The following SCN11A variants were observed in gnomAD, a reference collection of about 807,000 sequenced individuals.
SCN11A encodes sodium voltage-gated channel alpha subunit 11, also known as sodium channel protein type 11 subunit alpha.
SCN11A carries 122 observed loss-of-function variants against 162.2 expected under a neutral mutation model. That is an observed-to-expected ratio of 0.75 (90% CI 0.65 to 0.87). SCN11A has a LOEUF of 0.87. SCN11A is among the 40% of genes least tolerant of loss of function. The pLI, the probability that SCN11A is intolerant of heterozygous loss-of-function variation, is 0.00. For missense variants in SCN11A, 2,015 were observed against 2,181.6 expected (o/e 0.92, Z 1.52); for synonymous variants, 758 against 751.5 (o/e 1.01, Z -0.14).
intron 2 of SCN11A, among the ~76,000 whole-genome samples, chr3:38,980,499 C>A (rs535480062): frequency 6.6e-6 from 1 of 152,094 alleles, no homozygotes; most frequent in Non-Finnish European, 1.5e-5. Flanking sequence ...GCTCTTACTG[C>A]GGAGCCCAGG....
chr3:39,031,019 TG>T (rs1274406099), intron 2 of SCN11A, among the ~76,000 whole-genome samples: 1 of 152,162 alleles, frequency 6.6e-6, no homozygotes, highest in East Asian at 1.9e-4. Context: ...GAAAGCTAGA[TG>T]GAGGTCAAAG....
chr3:38,937,066 C>T lies in SCN11A; in HGVS notation c.488+8345G>A, dbSNP rs559318157. Among the ~76,000 whole-genome samples the T allele has an allele frequency of 5.3e-3, 802 of 151,980 alleles. 6 individuals are homozygous for T. The highest frequency in any genetic ancestry group is 0.018 in the African/African-American group (753 of 41,368). ...AGAACAGAGCCCTCAGAAACAACGC[C>T]GCATATCTACAACTATCTGATCTTT... On this transcript the variant is annotated intron_variant, in intron 7 of 29. Coordinates refer to ENST00000302328, the MANE Select transcript of SCN11A (RefSeq NM_001349253.2).
intron 3 of SCN11A, among the ~76,000 whole-genome samples, chr3:38,958,473 G>T (rs2066708694): frequency 6.6e-6 from 1 of 152,186 alleles, no homozygotes; most frequent in Admixed American, 6.5e-5. Flanking sequence ...TTTGTAAAAA[G>T]TCCCTTTAAT....
In SCN11A at chr3:38,920,243, CCT is replaced by C. The variant is rs139754089; in HGVS notation, c.893-244_893-243del. On this transcript the variant is annotated intron_variant, in intron 10 of 29. Transcript: ENST00000302328. Reference sequence around the variant, plus strand: ...CAGTGACATCACCACCACCACTTTGCCTCTCTTAAATAATACTGAACCGAAGA... The same window carrying C: ...CAGTGACATCACCACCACCACTTTGCCTCTTAAATAATACTGAACCGAAGA... Among the ~76,000 whole-genome samples the C allele has an allele frequency of 0.055, 8,338 of 152,104 alleles. 757 individuals carry two copies. The highest frequency in any genetic ancestry group is 0.19 in the African/African-American group (7,716 of 41,412).
chr3:38,952,094 C>A (rs943358771), intron 4 of SCN11A, among the ~76,000 whole-genome samples: 5 of 152,114 alleles, frequency 3.3e-5, no homozygotes, highest in African/African-American at 9.7e-5. Flanking sequence ...TTGAAGCCAG[C>A]AAGACCACGA....
At chr3:39,003,075 T>C (rs769056676) in intron 2 of SCN11A, among the ~76,000 whole-genome samples, 5 of 152,206 alleles carry the variant, frequency 3.3e-5, no homozygotes, top group Admixed American at 6.5e-5. Flanking sequence ...AGGTTTGTTA[T>C]ATAGATAAAC....
At chr3:38,961,271 T>C (rs1209407006) in intron 2 of SCN11A, among the ~76,000 whole-genome samples, 2 of 152,236 alleles carry the variant, frequency 1.3e-5, no homozygotes, top group African/African-American at 4.8e-5. Flanking sequence ...GTTTTCTCCA[T>C]GTTAAATATG....
At chr3:38,907,877 A>C (rs1321307082) in intron 14 of SCN11A, 72 bp downstream of exon 14, 2 of 1,299,498 alleles carry the variant, frequency 1.5e-6, no homozygotes, top group Non-Finnish European at 2.1e-6. Flanking sequence ...GAATTATTTC[A>C]ATTTGATTGG....
chr3:39,024,650 G>A (rs1459802848), intron 2 of SCN11A, among the ~76,000 whole-genome samples: 2 of 152,070 alleles, frequency 1.3e-5, no homozygotes, highest in African/African-American at 2.4e-5. Context: ...GTGTAAAACT[G>A]GCCATAAAAA....
chr3:38,867,600 G>A lies in SCN11A; in HGVS notation c.3814-142C>T, dbSNP rs562927079. The A allele has an allele frequency of 1.4e-5, 9 of 627,846 alleles. No individual in the cohort carries two copies. The African/African-American group carries it at 1.5e-4, about 10-fold the overall frequency. 38.9% of individuals were successfully genotyped at this position (627,846 alleles called of 1,614,324 possible). A position where few individuals can be genotyped will look rare whatever the true frequency, so the allele number is the denominator to read the frequency against. ...CCTCTTCCTAACAGCCATAGCCCCT[G>A]TTGGGAGCCTGTCTTTCAGTTTTTG... On this transcript the variant is annotated intron_variant, in intron 26 of 29. Transcript: ENST00000302328.
chr3:39,043,661 G>C (rs1472153280), intron 1 of SCN11A, among the ~76,000 whole-genome samples: 2 of 150,978 alleles, frequency 1.3e-5, no homozygotes, highest in African/African-American at 4.8e-5. Context: ...TAGAAGAATG[G>C]TTACCAGAAA....
chr3:38,853,549 A>T (rs546776361), intron 28 of SCN11A, among the ~76,000 whole-genome samples: 7 of 152,278 alleles, frequency 4.6e-5, no homozygotes, highest in African/African-American at 1.7e-4. Context: ...GTGCATCAAA[A>T]ATACTTCATT....
intron 22 of SCN11A, among the ~76,000 whole-genome samples, chr3:38,882,707 C>T (rs1357541475): frequency 6.6e-6 from 1 of 152,114 alleles, no homozygotes; most frequent in Non-Finnish European, 1.5e-5. Flanking sequence ...CTCATTGGGA[C>T]TCATACCACA....
At chr3:39,034,783 T>TA (rs2031861420) in intron 1 of SCN11A, among the ~76,000 whole-genome samples, 2 of 151,984 alleles carry the variant, frequency 1.3e-5, no homozygotes, top group South Asian at 2.1e-4. Flanking sequence ...AAAATCAACA[T>TA]AAAAAATCAG....
At chr3:38,999,275 C>A (rs550900723) in intron 2 of SCN11A, among the ~76,000 whole-genome samples, 10 of 152,076 alleles carry the variant, frequency 6.6e-5, no homozygotes, top group Admixed American at 6.5e-5. Flanking sequence ...CAACTATAGA[C>A]GAATTCTTAG....
chr3:38,939,249 T>C (rs2066403865), intron 7 of SCN11A, among the ~76,000 whole-genome samples: 1 of 151,890 alleles, frequency 6.6e-6, no homozygotes, highest in Non-Finnish European at 1.5e-5. Context: ...AAACATAGAA[T>C]TTAAGACAAA....
At chr3:39,048,263 G>A (rs1322895011) in intron 1 of SCN11A, among the ~76,000 whole-genome samples, 2 of 152,154 alleles carry the variant, frequency 1.3e-5, no homozygotes, top group African/African-American at 2.4e-5. Flanking sequence ...AATAAGCCAG[G>A]CACAGAAAGA....
rs146534352 is a variant in SCN11A at position 38,908,075 on chromosome 3, T to C, written c.1347A>G (p.Glu449=). ...GIDRSSLTSL[E]TSYFTPKKRK... ...TCTTTTTTGGGGTAAAATATGATGT[T>C]TCAAGGGAAGTAAGTGAACTTCTGT... The change falls in exon 14 of 30, where the codon GAA becomes GAG. Residue 449 remains glutamate (E), a synonymous_variant. Transcript: ENST00000302328. The C allele has an allele frequency of 2.7e-5, 44 of 1,612,810 alleles. No homozygotes were observed. Among genetic ancestry groups the C allele is most frequent in the Non-Finnish European group, 3.4e-5 (40 of 1,179,768 alleles).
At chr3:39,014,145 G>T (rs902867558) in intron 2 of SCN11A, among the ~76,000 whole-genome samples, 1 of 152,028 alleles carries the variant, frequency 6.6e-6, no homozygotes, top group African/African-American at 2.4e-5. Context: ...CTGAATTTTT[G>T]TGGTCACTCT....
Sources: gnomAD v4.1 joint callset for allele counts (sites outside exome capture counted in the v4.1 genomes callset) on GRCh38, gnomAD v4.1.1 for gene constraint, MANE v1.5 for transcripts, NCBI Gene and HGNC (gene_info 2026-07-23, HGNC 2026-07-21) for gene names.